The following PIR variants were observed in gnomAD, a reference collection of about 807,000 sequenced individuals.
PIR encodes pirin (iron-binding nuclear protein).
In PIR, 22 loss-of-function variants were observed where a neutral mutation model predicts 24.2. The observed-to-expected ratio is 0.91, with a 90% CI of 0.65 to 1.30. The LOEUF (loss-of-function observed/expected upper bound fraction) is 1.30. Among genes scored for constraint, PIR ranks in the 50% most tolerant of loss-of-function variants. PIR has a pLI of 0.00. For missense variants in PIR, 220 were observed against 220.3 expected (o/e 1.00, Z 0.01); for synonymous variants, 80 against 79.6 (o/e 1.00, Z -0.03).
intron 9 of PIR, among the ~76,000 whole-genome samples, chrX:15,388,947 T>C (rs1271436686): frequency 8.9e-6 from 1 of 112,225 alleles, no homozygotes; most frequent in African/African-American, 3.2e-5. Flanking sequence ...TCCGAGTTTG[T>C]ATGTGCAGGC....
intron 4 of PIR, 129 bp from the exon 5 acceptor site, chrX:15,456,183 A>G (rs1470049361): frequency 1.8e-6 from 1 of 556,998 alleles, no homozygotes; most frequent in Non-Finnish European, 3.0e-6. Flanking sequence ...CTGGGCATCG[A>G]GGGGAATAAT....
intron 3 of PIR, among the ~76,000 whole-genome samples, chrX:15,460,488 C>T (rs780888763): frequency 5.3e-4 from 59 of 111,399 alleles, no homozygotes; most frequent in African/African-American, 1.8e-3. Flanking sequence ...AAGCCAGACA[C>T]AGAGGGACAA....
chrX:15,456,693 G>A (rs1921097711), intron 4 of PIR, among the ~76,000 whole-genome samples: 1 of 112,462 alleles, frequency 8.9e-6, no homozygotes, highest in Admixed American at 9.4e-5. Context: ...AGACATTGGA[G>A]GATAAATATG....
intron 5 of PIR, among the ~76,000 whole-genome samples, chrX:15,445,634 C>T (rs1926064658): frequency 9.0e-6 from 1 of 110,699 alleles, no homozygotes; most frequent in Non-Finnish European, 1.9e-5. Context: ...CCTGGAGGAG[C>T]CAGATCTTAA....
At chrX:15,401,860 T>G (rs1485278634) in intron 7 of PIR, among the ~76,000 whole-genome samples, 1 of 112,223 alleles carries the variant, frequency 8.9e-6, no homozygotes, top group African/African-American at 3.2e-5. Context: ...TAAGAATTGC[T>G]GTCCTATTTA....
intron 5 of PIR, among the ~76,000 whole-genome samples, chrX:15,433,247 G>A (rs1423376704): frequency 9.0e-6 from 1 of 111,073 alleles, no homozygotes; most frequent in Non-Finnish European, 1.9e-5. Flanking sequence ...ACTCAGGACT[G>A]AGATCCAGGG....
intron 5 of PIR, among the ~76,000 whole-genome samples, chrX:15,438,039 A>T (rs1056490021): frequency 4.4e-5 from 5 of 112,535 alleles, no homozygotes; most frequent in African/African-American, 1.6e-4. Context: ...CAAATTTACC[A>T]CATCAACCCA....
chrX:15,427,257 G>A (rs942932690), intron 5 of PIR, among the ~76,000 whole-genome samples: 2 of 111,302 alleles, frequency 1.8e-5, no homozygotes, highest in East Asian at 5.6e-4. Context: ...TCTGGGGGCT[G>A]GTAATGTTCT....
At chrX:15,412,442 C>T (rs1194815410) in intron 6 of PIR, among the ~76,000 whole-genome samples, 1 of 111,870 alleles carries the variant, frequency 8.9e-6, no homozygotes, top group Non-Finnish European at 1.9e-5. Flanking sequence ...CAGAAGAGCA[C>T]AAAGGATGAA....
chrX:15,434,109 G>GAAGGAGGAGGAGGAGGGAGGAGAAAT (rs1925650072), intron 5 of PIR, among the ~76,000 whole-genome samples: 1 of 88,495 alleles, frequency 1.1e-5, no homozygotes, highest in Non-Finnish European at 2.2e-5. Flanking sequence ...GGAGGAGAAA[G>GAAGGAGGAGGAGGAGGGAGGAGAAAT]AAGGAGGAGG....
chrX:15,455,165 T>C (rs1569206219), intron 5 of PIR, among the ~76,000 whole-genome samples: 2 of 112,350 alleles, frequency 1.8e-5, no homozygotes, highest in South Asian at 3.7e-4. Flanking sequence ...GTGTGAGGAA[T>C]CTTATGCTCC....
intron 2 of PIR, among the ~76,000 whole-genome samples, chrX:15,484,094 G>C (rs1207723910): frequency 9.0e-6 from 1 of 111,120 alleles, no homozygotes; most frequent in Non-Finnish European, 1.9e-5. Context: ...CAGAACAGTA[G>C]TTATTCATTG....
chrX:15,454,706 G>A lies in PIR; in HGVS notation c.480+1142C>T, dbSNP rs147658603. On this transcript the variant is annotated intron_variant, in intron 5 of 9. Transcript: ENST00000380420. ...TTTTAGATAGTTTTAAGTGCTGGTT[G>A]TGCACTGGGAGAATGGCAGAGTAAC... is the stretch of plus-strand genomic sequence containing the variant. Among the ~76,000 whole-genome samples, 602 of 111,533 alleles carry A rather than the reference G, an allele frequency of 5.4e-3. 6 individuals are homozygous for A. Among genetic ancestry groups the A allele is most frequent in the African/African-American group, 0.019 (581 of 30,657 alleles).
At chrX:15,469,315 C>T (rs1262726130) in intron 3 of PIR, among the ~76,000 whole-genome samples, 1 of 111,899 alleles carries the variant, frequency 8.9e-6, no homozygotes, top group Non-Finnish European at 1.9e-5. Flanking sequence ...CTTTGCTAAT[C>T]ATTCCTCCCT....
At chrX:15,491,400 A>C in intron 1 of PIR, 91 bp from the exon 2 acceptor site, 1 of 410,285 alleles carries the variant, frequency 2.4e-6, no homozygotes. Context: ...AGATGCGCAA[A>C]ATAGTAGCAG....
chrX:15,397,813 C>T lies in PIR; in HGVS notation c.611-282G>A, dbSNP rs764355061. On this transcript the variant is annotated intron_variant, in intron 7 of 9. Coordinates refer to ENST00000380420, the MANE Select transcript of PIR (RefSeq NM_001018109.3). The stretch of plus-strand genomic sequence containing the variant: ...TCCTTGGCATTATGTGCTCATGTTT[C>T]CTTAGGTAAATTATAAAGTTTATAA... 2.7e-5 allele frequency among the ~76,000 whole-genome samples: 3 copies of T among 111,692 alleles called. No individual in the cohort carries two copies. The South Asian group carries it at 1.1e-3, about 42-fold the overall frequency.
chrX:15,422,686 A>AC (rs1002640422), intron 6 of PIR, among the ~76,000 whole-genome samples: 1 of 104,293 alleles, frequency 9.6e-6, no homozygotes, highest in African/African-American at 4.2e-5. Context: ...AAAAGGACAC[A>AC]AAAAAAATTG....
intron 5 of PIR, among the ~76,000 whole-genome samples, chrX:15,446,109 G>A (rs753445959): frequency 2.7e-5 from 3 of 111,016 alleles, no homozygotes; most frequent in East Asian, 2.8e-4. Context: ...GATTACAGGC[G>A]TGAGCCACCA....
chrX:15,444,066 C>G (rs771002562), intron 5 of PIR, among the ~76,000 whole-genome samples: 1 of 112,357 alleles, frequency 8.9e-6, no homozygotes, highest in South Asian at 3.7e-4. Flanking sequence ...AGTACTGACT[C>G]CAATTTTGAA....
Sources: gnomAD v4.1 joint callset for allele counts (sites outside exome capture counted in the v4.1 genomes callset) on GRCh38, gnomAD v4.1.1 for gene constraint, MANE v1.5 for transcripts, NCBI Gene and HGNC (gene_info 2026-07-23, HGNC 2026-07-21) for gene names.